Variants in NLGN1 observed in about 807,000 individuals in gnomAD.
NLGN1 encodes neuroligin 1.
In NLGN1, 12 loss-of-function variants were observed where a neutral mutation model predicts 65.5. That is an observed-to-expected ratio of 0.18 (90% CI 0.12 to 0.30). The LOEUF (loss-of-function observed/expected upper bound fraction) is 0.30. Ranked by LOEUF, NLGN1 falls within the 10% of genes least tolerant of loss-of-function variation. The pLI is 1.00. For missense variants in NLGN1, 750 were observed against 1,007.1 expected, an observed-to-expected ratio of 0.74 and a Z score of 3.46; for synonymous variants, 350 against 359.5, an observed-to-expected ratio of 0.97 and a Z score of 0.30.
At chr3:173,455,453 G>A (rs1256263133) in intron 2 of NLGN1, among the ~76,000 whole-genome samples, 1 of 152,116 alleles carries the variant, frequency 6.6e-6, no homozygotes, top group Admixed American at 6.5e-5. Context: ...ATGTGATTCA[G>A]TGGGGACAAA....
intron 4 of NLGN1, among the ~76,000 whole-genome samples, chr3:174,075,949 G>T (rs930932137): frequency 6.6e-6 from 1 of 152,064 alleles, no homozygotes; most frequent in African/African-American, 2.4e-5. Flanking sequence ...ATCACTGTGG[G>T]TGTAACAACA....
chr3:173,735,895 CT>C (rs1169080644), intron 3 of NLGN1, among the ~76,000 whole-genome samples: 2 of 151,928 alleles, frequency 1.3e-5, no homozygotes, highest in East Asian at 1.9e-4. Context: ...TTTTGAAATG[CT>C]TTTTTGTGTT....
At chr3:174,229,178 C>T (rs186111875) in intron 4 of NLGN1, among the ~76,000 whole-genome samples, 4 of 151,892 alleles carry the variant, frequency 2.6e-5, no homozygotes, top group African/African-American at 9.7e-5. Context: ...ACTAAATGCA[C>T]TACTATTTCT....
chr3:174,011,311 A>G (rs1725510709), intron 4 of NLGN1, among the ~76,000 whole-genome samples: 1 of 152,166 alleles, frequency 6.6e-6, no homozygotes, highest in African/African-American at 2.4e-5. Context: ...TCTTTCAGCC[A>G]TTCTGCTTTC....
At chr3:173,650,980 A>T (rs564038163) in intron 3 of NLGN1, among the ~76,000 whole-genome samples, 1 of 151,756 alleles carries the variant, frequency 6.6e-6, no homozygotes, top group Non-Finnish European at 1.5e-5. Flanking sequence ...TTTTTGATAC[A>T]TGGATAAATT....
intron 4 of NLGN1, among the ~76,000 whole-genome samples, chr3:174,205,879 C>T (rs1024432909): frequency 4.6e-5 from 7 of 152,150 alleles, no homozygotes; most frequent in Non-Finnish European, 8.8e-5. Context: ...ATAGGATTCT[C>T]GTGAGTATCA....
At chr3:173,824,192 G>A (rs993866140) in intron 4 of NLGN1, among the ~76,000 whole-genome samples, 1 of 152,054 alleles carries the variant, frequency 6.6e-6, no homozygotes, top group Non-Finnish European at 1.5e-5. Context: ...CTGAATACTT[G>A]TAAAATAGGA....
At chr3:173,523,552 AT>A (rs1177302976) in intron 2 of NLGN1, among the ~76,000 whole-genome samples, 1 of 151,612 alleles carries the variant, frequency 6.6e-6, no homozygotes, top group African/African-American at 2.4e-5. Context: ...TTTGTCAAAG[AT>A]TAGTGGGTTA....
chr3:173,956,640 A>G (rs1011180180), intron 4 of NLGN1, among the ~76,000 whole-genome samples: 5 of 152,146 alleles, frequency 3.3e-5, no homozygotes, highest in African/African-American at 1.2e-4. Flanking sequence ...TGTATGGTTG[A>G]GTATTTCTGA....
rs1045543065 is a variant in NLGN1 at position 174,265,260 on chromosome 3, C to T, written c.647-10055C>T. Reference sequence around the variant, plus strand: ...TTACCTAAGCAAGCCTGGGCAATGGCGGGCGCCACTCCCCCAGCCTCGCTG... The same window carrying T: ...TTACCTAAGCAAGCCTGGGCAATGGTGGGCGCCACTCCCCCAGCCTCGCTG... On this transcript the variant is annotated intron_variant, in intron 4 of 6. Transcript: ENST00000457714. 1.3e-4 allele frequency among the ~76,000 whole-genome samples: 20 copies of T among 151,726 alleles called. No individual in the cohort carries two copies. The East Asian group carries it at 3.0e-3, about 23-fold the overall frequency.
intron 4 of NLGN1, among the ~76,000 whole-genome samples, chr3:174,034,503 A>T (rs1347335257): frequency 1.3e-5 from 2 of 152,108 alleles, no homozygotes; most frequent in Non-Finnish European, 1.5e-5. Flanking sequence ...TGATTATAGT[A>T]CATGGATAAG....
chr3:173,804,406 G>A (rs1193633309), intron 3 of NLGN1, among the ~76,000 whole-genome samples: 1 of 151,894 alleles, frequency 6.6e-6, no homozygotes, highest in African/African-American at 2.4e-5. Context: ...ATATTTATAG[G>A]TGGTTAAATA....
intron 4 of NLGN1, among the ~76,000 whole-genome samples, chr3:173,891,975 G>A (rs760493049): frequency 3.9e-5 from 6 of 152,224 alleles, no homozygotes; most frequent in African/African-American, 1.2e-4. Context: ...CAAGGTCACA[G>A]CAATTATGTT....
chr3:173,432,954 A>T (rs1303525872), intron 1 of NLGN1, among the ~76,000 whole-genome samples: 2 of 152,146 alleles, frequency 1.3e-5, no homozygotes, highest in African/African-American at 4.8e-5. Context: ...TAGGAAATAT[A>T]TATTCATCCA....
At chr3:174,244,141 A>G (rs1436548403) in intron 4 of NLGN1, among the ~76,000 whole-genome samples, 1 of 152,214 alleles carries the variant, frequency 6.6e-6, no homozygotes, top group Non-Finnish European at 1.5e-5. Flanking sequence ...TTTTTAATTC[A>G]GCTAATGGCT....
At chr3:173,462,736 C>T (rs893622337) in intron 2 of NLGN1, among the ~76,000 whole-genome samples, 2 of 152,076 alleles carry the variant, frequency 1.3e-5, no homozygotes, top group African/African-American at 4.8e-5. Context: ...ATTTTGCATG[C>T]AGTGGTTATT....
intron 4 of NLGN1, among the ~76,000 whole-genome samples, chr3:174,035,100 C>G (rs190790742): frequency 6.6e-6 from 1 of 152,064 alleles, no homozygotes; most frequent in Non-Finnish European, 1.5e-5. Context: ...GTGTCTAACA[C>G]CATGACAAAT....
intron 3 of NLGN1, among the ~76,000 whole-genome samples, chr3:173,764,492 T>C (rs1778459208): frequency 6.6e-6 from 1 of 152,180 alleles, no homozygotes; most frequent in Admixed American, 6.6e-5. Context: ...GTCTGCCATG[T>C]GGAAGAGGTA....
chr3:173,485,673 T>C (rs948245395), intron 2 of NLGN1, among the ~76,000 whole-genome samples: 18 of 152,188 alleles, frequency 1.2e-4, no homozygotes, highest in African/African-American at 4.3e-4. Context: ...AGGACTTACT[T>C]TGAGGCATCT....
Sources: allele counts gnomAD v4.1 joint callset (sites outside exome capture counted in the v4.1 genomes callset), GRCh38; gene constraint gnomAD v4.1.1; transcripts MANE v1.5; gene names NCBI Gene and HGNC (gene_info 2026-07-23, HGNC 2026-07-21).